The following ROR2 variants were observed in gnomAD, a reference collection of about 807,000 sequenced individuals.
ROR2 encodes tyrosine-protein kinase transmembrane receptor ROR2.
Under a neutral mutation model 74.9 loss-of-function variants are expected in ROR2, and 33 were observed. The observed-to-expected ratio is 0.44, with a 90% CI of 0.33 to 0.59. ROR2 has a LOEUF of 0.59. Ranked by LOEUF, ROR2 falls within the 20% of genes least tolerant of loss-of-function variation. The pLI is 0.02. For missense variants in ROR2, 1,216 were observed against 1,313.8 expected, an observed-to-expected ratio of 0.93 and a Z score of 1.15; for synonymous variants, 586 against 558.7, an observed-to-expected ratio of 1.05 and a Z score of -0.69.
intron 4 of ROR2, among the ~76,000 whole-genome samples, chr9:91,741,039 C>T (rs904642984): frequency 2.6e-5 from 4 of 152,014 alleles, no homozygotes; most frequent in African/African-American, 9.7e-5. Flanking sequence ...CGGTGGCTCA[C>T]GCCTGTAATC....
intron 7 of ROR2, among the ~76,000 whole-genome samples, chr9:91,727,844 C>T (rs1164097014): frequency 2.0e-5 from 3 of 152,162 alleles, no homozygotes; most frequent in Admixed American, 1.3e-4. Context: ...CATGCTACTG[C>T]CACCTTAGGA....
intron 1 of ROR2, among the ~76,000 whole-genome samples, chr9:91,947,673 G>C (rs1055014956): frequency 6.6e-6 from 1 of 152,104 alleles, no homozygotes; most frequent in Non-Finnish European, 1.5e-5. Context: ...CCTAGGATTG[G>C]TATATAGTCC....
intron 1 of ROR2, among the ~76,000 whole-genome samples, chr9:91,919,839 T>C (rs530469238): frequency 6.6e-6 from 1 of 152,320 alleles, no homozygotes; most frequent in East Asian, 1.9e-4. Context: ...CCCACCTTCA[T>C]GGAGGTGTCA....
chr9:91,948,764 G>T (rs1832080842), intron 1 of ROR2: 1 of 985,488 alleles, frequency 1.0e-6, no homozygotes, highest in Non-Finnish European at 1.2e-6. Context: ...TTACTAGTAA[G>T]AAGTGTCTCA....
chr9:91,950,014 G>C lies in ROR2; in HGVS notation c.-51C>G, dbSNP rs1832132287. The stretch of plus-strand genomic sequence containing the variant: ...CCCTCAGAGCTTCGGGCCGGGGCGC[G>C]GGGTCGGGCGCCACCACCCCTTTCT... On this transcript the variant is annotated 5_prime_UTR_variant, in exon 1 of 9. Transcript: ENST00000375708. 1.0e-6 allele frequency: 1 copy of C among 980,170 alleles called. No homozygotes were observed. 60.7% of individuals were successfully genotyped at this position (980,170 alleles called of 1,614,324 possible).
At chr9:91,825,569 G>C (rs1205067594) in intron 1 of ROR2, among the ~76,000 whole-genome samples, 1 of 152,188 alleles carries the variant, frequency 6.6e-6, no homozygotes, top group Non-Finnish European at 1.5e-5. Flanking sequence ...GAGAAGGTGG[G>C]TGTCAGGAAA....
chr9:91,795,776 A>G (rs4744101), intron 1 of ROR2, among the ~76,000 whole-genome samples: 14,495 of 152,192 alleles, frequency 0.095, 1,129 homozygotes, highest in East Asian at 0.29. Flanking sequence ...GCTAAAGGGA[A>G]ACTCTCAGCT....
rs117677860 is a variant in ROR2, at chr9:91,752,617, G to A, written c.494+3454C>T. ...AAGTTGCACGACAGAGCCTGCAAGC[G>A]TGACAGAGATTCTGTATCTGGATAG... is the stretch of plus-strand genomic sequence containing the variant. On this transcript the variant is annotated intron_variant, in intron 4 of 8. Coordinates refer to ENST00000375708, the MANE Select transcript of ROR2 (RefSeq NM_004560.4). 3.0e-3 allele frequency among the ~76,000 whole-genome samples: 458 copies of A among 152,312 alleles called. 2 individuals carry two copies. Among genetic ancestry groups the A allele is most frequent in the Non-Finnish European group, 4.2e-3 (283 of 68,020 alleles).
chr9:91,886,575 C>T (rs1205040931), intron 1 of ROR2: 2 of 152,516 alleles, frequency 1.3e-5, no homozygotes, highest in Non-Finnish European at 2.9e-5. Context: ...CCACCACTCC[C>T]CCGCCCCGCC....
intron 8 of ROR2, among the ~76,000 whole-genome samples, chr9:91,726,142 C>T (rs1837022211): frequency 6.6e-6 from 1 of 152,178 alleles, no homozygotes; most frequent in African/African-American, 2.4e-5. Context: ...TCCTATCCTT[C>T]CCTGTAAACA....
chr9:91,880,589 A>G (rs1478373434), intron 1 of ROR2, among the ~76,000 whole-genome samples: 1 of 152,240 alleles, frequency 6.6e-6, no homozygotes, highest in Non-Finnish European at 1.5e-5. Context: ...GGGAAGGCCT[A>G]ACAGATGCCA....
At chr9:91,931,163 A>C (rs1043024903) in intron 1 of ROR2, among the ~76,000 whole-genome samples, 1 of 152,234 alleles carries the variant, frequency 6.6e-6, no homozygotes, top group African/African-American at 2.4e-5. Context: ...GAAGAAAAAA[A>C]CAATAGGATT....
At chr9:91,919,791 A>C (rs1264753376) in intron 1 of ROR2, among the ~76,000 whole-genome samples, 2 of 151,974 alleles carry the variant, frequency 1.3e-5, no homozygotes, top group East Asian at 3.9e-4. Flanking sequence ...CCGATCTCAC[A>C]CTTTTCCTCC....
intron 1 of ROR2, among the ~76,000 whole-genome samples, chr9:91,855,935 C>T (rs1829268709): frequency 6.6e-6 from 1 of 152,002 alleles, no homozygotes; most frequent in Non-Finnish European, 1.5e-5. Context: ...TCCAGGAGCC[C>T]CCAGTGAGCC....
intron 1 of ROR2, among the ~76,000 whole-genome samples, chr9:91,833,735 G>A (rs567567946): frequency 7.9e-5 from 12 of 152,094 alleles, no homozygotes; most frequent in African/African-American, 2.2e-4. Flanking sequence ...GCCTCAACAC[G>A]CAGAAGGAGC....
At chr9:91,816,102 G>A (rs776620179) in intron 1 of ROR2, among the ~76,000 whole-genome samples, 34 of 151,960 alleles carry the variant, frequency 2.2e-4, no homozygotes, top group Middle Eastern at 3.2e-3. Context: ...TCCTCAAGCC[G>A]GTCCATCGGT....
chr9:91,899,749 ACACT>A (rs1409782273), intron 1 of ROR2, among the ~76,000 whole-genome samples: 1 of 152,222 alleles, frequency 6.6e-6, no homozygotes, highest in South Asian at 2.1e-4. Context: ...ACACACATAT[ACACT>A]CACACACAAA....
At chr9:91,949,534 C>G (rs1832110961) in intron 1 of ROR2, among the ~76,000 whole-genome samples, 2 of 151,724 alleles carry the variant, frequency 1.3e-5, no homozygotes, top group African/African-American at 4.8e-5. Context: ...GGACTCGGGT[C>G]CCGGGCCCAG....
intron 1 of ROR2, among the ~76,000 whole-genome samples, chr9:91,928,502 G>A (rs927561032): frequency 1.3e-5 from 2 of 152,174 alleles, no homozygotes; most frequent in Non-Finnish European, 2.9e-5. Flanking sequence ...TGGGCTCACC[G>A]CTGACCCTGG....
Sources: gnomAD v4.1 joint callset for allele counts (sites outside exome capture counted in the v4.1 genomes callset) on GRCh38, gnomAD v4.1.1 for gene constraint, MANE v1.5 for transcripts, NCBI Gene and HGNC (gene_info 2026-07-23, HGNC 2026-07-21) for gene names.